GLT8D2: variants seen among roughly 807,000 people sequenced by gnomAD.
GLT8D2 encodes glycosyltransferase 8 domain containing 2, also known as glycosyltransferase 8 domain-containing protein 2.
A neutral mutation model predicts 44.5 loss-of-function variants in GLT8D2; 45 were observed. The observed-to-expected ratio is 1.01, with a 90% CI of 0.80 to 1.30. The LOEUF (loss-of-function observed/expected upper bound fraction) is 1.30, where lower values mean the gene tolerates loss of function less well. Among genes scored for constraint, GLT8D2 ranks in the 50% most tolerant of loss-of-function variants. The pLI is 0.00. For synonymous variants in GLT8D2, 156 were observed against 157.2 expected (o/e 0.99, Z 0.06); for missense variants, 400 against 430.4 (o/e 0.93, Z 0.62).
In GLT8D2 at chr12:103,994,380, T is replaced by C. The variant is rs1873145601; in HGVS notation, c.722A>G (p.Gln241Arg). ...TTTCTCCAATTGCTTGGTGATGCGC[T>C]GGTGCTTCCATTCTGTCATGTTGGC... is the stretch of plus-strand genomic sequence containing the variant. The part of the protein sequence containing the change: ...IVANMTEWKH[Q>R]RITKQLEKWM... The change falls in exon 9 of 11, where the codon CAG becomes CGG. Residue 241 changes from glutamine (Q) to arginine (R), a missense_variant. Coordinates refer to ENST00000360814, the MANE Select transcript of GLT8D2 (RefSeq NM_001384711.1). 6.2e-7 allele frequency: 1 copy of C among 1,614,108 alleles called. No homozygotes were observed. The highest frequency in any genetic ancestry group is 8.5e-7 in the Non-Finnish European group (1 of 1,179,960).
chr12:104,025,785 T>C (rs1312962697), intron 1 of GLT8D2, among the ~76,000 whole-genome samples: 1 of 152,210 alleles, frequency 6.6e-6, no homozygotes, highest in Non-Finnish European at 1.5e-5. Flanking sequence ...TTTTCTTTAA[T>C]ATTTTGTTCC....
chr12:103,994,915 C>G (rs966289084), intron 8 of GLT8D2, among the ~76,000 whole-genome samples: 3 of 152,192 alleles, frequency 2.0e-5, no homozygotes, highest in Non-Finnish European at 2.9e-5. Context: ...AAACCTGCTT[C>G]CCTGCACCTG....
intron 7 of GLT8D2, 64 bp downstream of exon 7, chr12:103,997,383 AAGAG>A: frequency 9.1e-7 from 1 of 1,100,344 alleles, no homozygotes; most frequent in Non-Finnish European, 1.4e-6. Flanking sequence ...TTGAAAAATG[AAGAG>A]AGACAGTTAT....
intron 2 of GLT8D2, among the ~76,000 whole-genome samples, chr12:104,020,794 C>G (rs1254730231): frequency 6.6e-6 from 1 of 152,080 alleles, no homozygotes; most frequent in East Asian, 1.9e-4. Context: ...TGCAAAGGCC[C>G]TGGGGCTGGA....
intron 10 of GLT8D2, among the ~76,000 whole-genome samples, chr12:103,992,487 CTCTCTT>C (rs1306291038): frequency 8.8e-5 from 13 of 147,370 alleles, no homozygotes; most frequent in Non-Finnish European, 1.3e-4. Flanking sequence ...CTCTCTCTCT[CTCTCTT>C]TTTTTTTTTT....
intron 1 of GLT8D2, among the ~76,000 whole-genome samples, chr12:104,035,148 A>C (rs1879787094): frequency 6.6e-6 from 1 of 152,200 alleles, no homozygotes; most frequent in Admixed American, 6.5e-5. Flanking sequence ...TCCACACCAA[A>C]ATCTCAGTTG....
chr12:104,012,646 T>C (rs1876023127), intron 4 of GLT8D2: 3 of 489,674 alleles, frequency 6.1e-6, no homozygotes, highest in African/African-American at 2.0e-5. Context: ...CTCTCTCTCT[T>C]TTAGAACAGT....
In GLT8D2 at chr12:103,989,038, G is replaced by T. The variant is rs1468674549; in HGVS notation, c.*370C>A. On this transcript the variant is annotated 3_prime_UTR_variant, in exon 11 of 11. Coordinates refer to ENST00000360814, the MANE Select transcript of GLT8D2 (RefSeq NM_001384711.1). Reference sequence around the variant, plus strand: ...AGACGTCCATATTTTAAATGTAATAGTTTTATAAAAGAAAAGGTTGGCAAC... The same window carrying T: ...AGACGTCCATATTTTAAATGTAATATTTTTATAAAAGAAAAGGTTGGCAAC... The T allele has an allele frequency of 6.4e-6, 1 of 156,568 alleles. No homozygotes were observed. The highest frequency in any genetic ancestry group is 1.4e-5 in the Non-Finnish European group (1 of 71,194). 9.7% of individuals were successfully genotyped at this position (156,568 alleles called of 1,614,324 possible).
intron 4 of GLT8D2, among the ~76,000 whole-genome samples, chr12:104,006,958 T>TA (rs1394102029): frequency 6.6e-6 from 1 of 152,234 alleles, no homozygotes; most frequent in Non-Finnish European, 1.5e-5. Context: ...TACACTGCTA[T>TA]AAGATACTGG....
upstream of GLT8D2, among the ~76,000 whole-genome samples, chr12:104,055,142 CCTCCCA>C (rs1415581907): frequency 6.6e-6 from 1 of 152,028 alleles, no homozygotes. Context: ...CAAGAGCGGC[CCTCCCA>C]CTGGGATACA....
At chr12:104,054,324 C>T (rs1015339539), upstream of GLT8D2, among the ~76,000 whole-genome samples, 15 of 151,980 alleles carry the variant, frequency 9.9e-5, no homozygotes, top group Non-Finnish European at 1.6e-4. Flanking sequence ...GTTTCATCCA[C>T]GTTGTCAAAA....
intron 1 of GLT8D2, among the ~76,000 whole-genome samples, chr12:104,055,678 A>G (rs1882124690): frequency 6.6e-6 from 1 of 152,224 alleles, no homozygotes; most frequent in Non-Finnish European, 1.5e-5. Context: ...TCAGATGTTC[A>G]TCATTTCTTC....
At chr12:104,053,883 C>A (rs1431560953), upstream of GLT8D2, among the ~76,000 whole-genome samples, 36 of 140,328 alleles carry the variant, frequency 2.6e-4, no homozygotes, top group African/African-American at 5.4e-4. Flanking sequence ...GACTCCGTCT[C>A]AAAAAAAAAA....
At chr12:103,996,269 C>T in intron 8 of GLT8D2, among the ~76,000 whole-genome samples, 1 of 152,140 alleles carries the variant, frequency 6.6e-6, no homozygotes, top group East Asian at 1.9e-4. Flanking sequence ...ATATTTTCTT[C>T]TACTGGAAGG....
chr12:104,035,504 G>C (rs1032699977), intron 1 of GLT8D2, among the ~76,000 whole-genome samples: 1 of 152,170 alleles, frequency 6.6e-6, no homozygotes, highest in Non-Finnish European at 1.5e-5. Flanking sequence ...ACCATGGCAC[G>C]AGAACTATGT....
At chr12:103,989,606 G>A in intron 10 of GLT8D2, 29 bp from the exon 11 acceptor site, 1 of 1,537,418 alleles carries the variant, frequency 6.5e-7, no homozygotes, top group Non-Finnish European at 8.8e-7. Context: ...AAAAATAATA[G>A]GCTTGTTAGA....
At chr12:104,031,001 G>T (rs1879185419) in intron 1 of GLT8D2, 1 of 1,278,130 alleles carries the variant, frequency 7.8e-7, no homozygotes, top group Non-Finnish European at 1.1e-6. Context: ...AGATGCCATT[G>T]ATCAGATGTG....
chr12:104,061,195 G>A (rs1224796129), intron 1 of GLT8D2, among the ~76,000 whole-genome samples: 2 of 152,176 alleles, frequency 1.3e-5, no homozygotes, highest in Non-Finnish European at 2.9e-5. Context: ...TAGGAAACTA[G>A]TACACATTTC....
chr12:104,036,440 G>A (rs1403600617), intron 1 of GLT8D2, among the ~76,000 whole-genome samples: 1 of 152,090 alleles, frequency 6.6e-6, no homozygotes, highest in East Asian at 1.9e-4. Context: ...GACACATACA[G>A]GCTCAAAATA....
Sources: allele counts gnomAD v4.1 joint callset (sites outside exome capture counted in the v4.1 genomes callset), GRCh38; gene constraint gnomAD v4.1.1; transcripts MANE v1.5; gene names NCBI Gene and HGNC (gene_info 2026-07-23, HGNC 2026-07-21).